Variants in CAMTA1 observed in about 807,000 individuals in gnomAD.
CAMTA1 encodes calmodulin binding transcription activator 1.
In CAMTA1, 27 loss-of-function variants were observed where a neutral mutation model predicts 170.9. The observed-to-expected ratio is 0.16, with a 90% CI of 0.12 to 0.22. The LOEUF is 0.22. Among genes scored for constraint, CAMTA1 ranks in the 10% least tolerant of loss-of-function variants. The pLI, the probability that CAMTA1 is intolerant of heterozygous loss-of-function variation, is 1.00. For synonymous variants in CAMTA1, 833 were observed against 891.5 expected, an observed-to-expected ratio of 0.93 and a Z score of 1.17; for missense variants, 1,619 against 2,217.2, an observed-to-expected ratio of 0.73 and a Z score of 5.42.
intron 5 of CAMTA1, among the ~76,000 whole-genome samples, chr1:7,344,120 G>A (rs970446623): frequency 6.6e-6 from 1 of 152,246 alleles, no homozygotes; most frequent in Non-Finnish European, 1.5e-5. Flanking sequence ...GCTCAGAGGG[G>A]TAACTCTGAT....
chr1:7,377,182 C>CA (rs1246646934), intron 5 of CAMTA1, among the ~76,000 whole-genome samples: 1 of 152,206 alleles, frequency 6.6e-6, no homozygotes, highest in African/African-American at 2.4e-5. Context: ...GACCACCTCC[C>CA]AGAGTTCATT....
At chr1:7,134,399 A>G (rs528250773) in intron 4 of CAMTA1, among the ~76,000 whole-genome samples, 44 of 152,198 alleles carry the variant, frequency 2.9e-4, no homozygotes, top group African/African-American at 9.4e-4. Context: ...GGCTCCAGCA[A>G]TCCTCCACCT....
chr1:6,789,441 G>A (rs1640387544), intron 1 of CAMTA1, among the ~76,000 whole-genome samples: 1 of 151,998 alleles, frequency 6.6e-6, no homozygotes, highest in Non-Finnish European at 1.5e-5. Flanking sequence ...AAATCTTAAC[G>A]TTTTTTTCCC....
chr1:7,548,665 G>A (rs1331800184), intron 6 of CAMTA1, among the ~76,000 whole-genome samples: 1 of 143,982 alleles, frequency 6.9e-6, no homozygotes, highest in Non-Finnish European at 1.5e-5. Context: ...CCCCCTTAGG[G>A]GTGGAGATGC....
At chr1:7,490,444 G>C (rs2093685605) in intron 6 of CAMTA1, among the ~76,000 whole-genome samples, 1 of 152,212 alleles carries the variant, frequency 6.6e-6, no homozygotes, top group African/African-American at 2.4e-5. Flanking sequence ...CTGAGGTCAG[G>C]AGTTCGAGAC....
At chr1:7,129,919 TTGTGTGTGTGTGTG>T (rs3058550) in intron 4 of CAMTA1, among the ~76,000 whole-genome samples, 2 of 147,150 alleles carry the variant, frequency 1.4e-5, no homozygotes, top group African/African-American at 5.0e-5. Context: ...CTACCTTCTT[TTGTGTGTGTGTGTG>T]TGTGTGTGTG....
At chr1:7,199,235 G>A (rs1272968032) in intron 4 of CAMTA1, among the ~76,000 whole-genome samples, 1 of 152,208 alleles carries the variant, frequency 6.6e-6, no homozygotes, top group South Asian at 2.1e-4. Flanking sequence ...CCACCCGCTG[G>A]GCATCCTGCC....
chr1:6,922,827 C>T (rs1024130479), intron 3 of CAMTA1, among the ~76,000 whole-genome samples: 4 of 151,832 alleles, frequency 2.6e-5, no homozygotes, highest in Admixed American at 6.6e-5. Context: ...AAGTCCAAAG[C>T]GCCCTAGGGA....
intron 11 of CAMTA1, among the ~76,000 whole-genome samples, chr1:7,714,502 G>A (rs1318856138): frequency 6.6e-6 from 1 of 152,140 alleles, no homozygotes; most frequent in Non-Finnish European, 1.5e-5. Flanking sequence ...TCGCAAGGAT[G>A]TTGAAATCTA....
At chr1:6,785,887 C>T (rs1352475770) in intron 1 of CAMTA1, among the ~76,000 whole-genome samples, 2 of 148,416 alleles carry the variant, frequency 1.3e-5, no homozygotes, top group Non-Finnish European at 3.0e-5. Flanking sequence ...CGGCGGAGGG[C>T]CGGCGCCTCC....
chr1:7,461,941 C>CCCCTT (rs1326156179), intron 5 of CAMTA1, among the ~76,000 whole-genome samples: 1 of 152,272 alleles, frequency 6.6e-6, no homozygotes, highest in Non-Finnish European at 1.5e-5. Flanking sequence ...GGGCCATGCT[C>CCCCTT]CCCTTCCCTG....
chr1:6,831,319 C>T (rs1005103065), intron 3 of CAMTA1, among the ~76,000 whole-genome samples: 2 of 152,174 alleles, frequency 1.3e-5, no homozygotes, highest in African/African-American at 4.8e-5. Flanking sequence ...GTTTGGTGTT[C>T]ACATCTTCAT....
chr1:6,879,616 T>TC (rs1670897081), intron 3 of CAMTA1, among the ~76,000 whole-genome samples: 1 of 148,814 alleles, frequency 6.7e-6, no homozygotes, highest in Non-Finnish European at 1.5e-5. Context: ...CTTTTTTCTT[T>TC]TTTTTTTTTT....
chr1:7,410,220 A>G (rs74053249), intron 5 of CAMTA1, among the ~76,000 whole-genome samples: 3,744 of 152,282 alleles, frequency 0.025, 164 homozygotes, highest in African/African-American at 0.085. Flanking sequence ...TCACTGGAGT[A>G]CAGCCTGGAC....
At chr1:7,334,795 T>G (rs960391866) in intron 5 of CAMTA1, among the ~76,000 whole-genome samples, 9 of 152,100 alleles carry the variant, frequency 5.9e-5, no homozygotes, top group African/African-American at 2.2e-4. Context: ...GGTATGCAAA[T>G]GAAGCCCAGC....
intron 8 of CAMTA1, among the ~76,000 whole-genome samples, chr1:7,662,727 A>G (rs576632242): frequency 6.6e-6 from 1 of 152,154 alleles, no homozygotes; most frequent in East Asian, 1.9e-4. Flanking sequence ...TACCCCAGAG[A>G]GCTGAGGGTA....
Position 7,209,442 on chromosome 1 carries a change from G to A in CAMTA1, c.303-40049G>A, listed in dbSNP as rs957548930. On this transcript the variant is annotated intron_variant, in intron 4 of 22. Coordinates refer to ENST00000303635, the MANE Select transcript of CAMTA1 (RefSeq NM_015215.4). The stretch of plus-strand genomic sequence containing the variant: ...TTGATTCATATCTGAGGCTGTGTGA[G>A]TAAAAGGAGTCTCACCCTTGGATTA... Among the ~76,000 whole-genome samples the A allele has an allele frequency of 2.0e-5, 3 of 152,218 alleles. No individual in the cohort carries two copies. In the East Asian group the frequency reaches 5.8e-4, roughly 29 times the overall value.
At chr1:7,556,534 G>A (rs1356101976) in intron 6 of CAMTA1, among the ~76,000 whole-genome samples, 1 of 152,192 alleles carries the variant, frequency 6.6e-6, no homozygotes, top group East Asian at 1.9e-4. Context: ...GGTCATTACA[G>A]CCATGCACAC....
At chr1:7,252,012 A>G (rs963444799) in intron 5 of CAMTA1, among the ~76,000 whole-genome samples, 4 of 152,204 alleles carry the variant, frequency 2.6e-5, no homozygotes, top group African/African-American at 4.8e-5. Flanking sequence ...GCATTCTACT[A>G]TATAAACACT....
Sources: gnomAD v4.1 joint callset for allele counts (sites outside exome capture counted in the v4.1 genomes callset) on GRCh38, gnomAD v4.1.1 for gene constraint, MANE v1.5 for transcripts, NCBI Gene and HGNC (gene_info 2026-07-23, HGNC 2026-07-21) for gene names.